Variants in REEP5 observed in about 807,000 individuals in gnomAD.
The protein encoded by REEP5 is receptor accessory protein 5.
Under a neutral mutation model 22.4 loss-of-function variants are expected in REEP5, and 24 were observed. The observed-to-expected ratio is 1.07, with a 90% CI of 0.78 to 1.51. The LOEUF is 1.51. REEP5 is among the 40% of genes most tolerant of loss of function. The pLI is 0.00. For missense variants in REEP5, 252 were observed against 233.0 expected (o/e 1.08, Z -0.53); for synonymous variants, 103 against 88.6 (o/e 1.16, Z -0.92).
At chr5:112,914,187 A>G (rs1438616848) in intron 2 of REEP5, among the ~76,000 whole-genome samples, 2 of 151,216 alleles carry the variant, frequency 1.3e-5, no homozygotes, top group African/African-American at 4.9e-5. Context: ...CAGTGGCGCA[A>G]TCTCGGCTCA....
intron 1 of REEP5, 77 bp downstream of exon 1, chr5:112,921,996 C>T: frequency 2.0e-6 from 3 of 1,514,598 alleles, no homozygotes; most frequent in East Asian, 5.1e-5. Context: ...GAGTCCTCTC[C>T]CTGCTTCCTT....
intron 4 of REEP5, chr5:112,885,799 A>G: frequency 4.4e-6 from 1 of 228,280 alleles, no homozygotes; most frequent in African/African-American, 2.4e-5. Flanking sequence ...CAGAGAGCCA[A>G]GCTAATGCGG....
chr5:112,897,401 A>G (rs1469396251), intron 3 of REEP5: 2 of 151,950 alleles, frequency 1.3e-5, no homozygotes, highest in African/African-American at 2.4e-5. Context: ...ACACAAATGT[A>G]AACAGTAGGA....
chr5:112,884,203 C>A (rs1447733790), intron 4 of REEP5, among the ~76,000 whole-genome samples: 1 of 152,126 alleles, frequency 6.6e-6, no homozygotes, highest in Non-Finnish European at 1.5e-5. Context: ...AGAAGCCAAA[C>A]CTTTACAATG....
intron 4 of REEP5, among the ~76,000 whole-genome samples, chr5:112,884,090 C>G (rs1176715098): frequency 6.6e-6 from 1 of 152,250 alleles, no homozygotes; most frequent in Non-Finnish European, 1.5e-5. Context: ...CCCCTTCAGT[C>G]TGTTCCTAAT....
At chr5:112,890,453 C>G (rs912134205) in intron 3 of REEP5, among the ~76,000 whole-genome samples, 3 of 150,236 alleles carry the variant, frequency 2.0e-5, no homozygotes, top group Admixed American at 6.6e-5. Flanking sequence ...ACTATAGCCT[C>G]AACTTCCTGG....
chr5:112,899,988 C>T (rs1768805949), intron 3 of REEP5, among the ~76,000 whole-genome samples: 1 of 152,186 alleles, frequency 6.6e-6, no homozygotes. Context: ...AGATGTTCAG[C>T]CTGTACCATT....
chr5:112,898,853 C>G (rs1174822906), intron 3 of REEP5, among the ~76,000 whole-genome samples: 1 of 152,214 alleles, frequency 6.6e-6, no homozygotes, highest in Admixed American at 6.5e-5. Flanking sequence ...TTGAAATCAA[C>G]TCTTTCCACA....
chr5:112,894,720 T>C (rs1386356950), intron 3 of REEP5: 2 of 152,224 alleles, frequency 1.3e-5, no homozygotes, highest in Non-Finnish European at 2.9e-5. Context: ...ATATAGGTAT[T>C]TTGCTGTATT....
intron 4 of REEP5, among the ~76,000 whole-genome samples, chr5:112,883,174 A>G (rs140487514): frequency 1.3e-3 from 198 of 152,384 alleles, no homozygotes; most frequent in Admixed American, 3.9e-3. Flanking sequence ...TCTTCCAGTT[A>G]TAGCCCCATT....
At chr5:112,907,044 T>C (rs568335229) in intron 2 of REEP5, among the ~76,000 whole-genome samples, 2 of 152,286 alleles carry the variant, frequency 1.3e-5, no homozygotes, top group African/African-American at 2.4e-5. Flanking sequence ...ATTCTGAAAT[T>C]TGTAAAAGGA....
At chr5:112,915,425 A>G (rs1769210394) in intron 2 of REEP5, among the ~76,000 whole-genome samples, 1 of 152,246 alleles carries the variant, frequency 6.6e-6, no homozygotes. Flanking sequence ...CAAAATAGTC[A>G]CAAGTTGTTA....
intron 4 of REEP5, among the ~76,000 whole-genome samples, chr5:112,881,122 C>CT (rs1274584127): frequency 1.7e-4 from 12 of 69,540 alleles, no homozygotes; most frequent in African/African-American, 9.3e-4. Flanking sequence ...GAGTGAGACT[C>CT]TGTTTCAAAA....
rs186505845 is a variant in REEP5 at position 112,913,203 on chromosome 5, G to A, written c.212+7960C>T. Among the ~76,000 whole-genome samples, 299 of 152,234 alleles carry A rather than the reference G, an allele frequency of 2.0e-3. 2 individuals carry two copies. The highest frequency in any genetic ancestry group is 3.9e-3 in the South Asian group (19 of 4,816). The stretch of plus-strand genomic sequence containing the variant: ...CCAGCTACTTGGGAGGCTGAGGCAG[G>A]AGAATCGCTTGAACCCGGGAGGTGG... On this transcript the variant is annotated intron_variant, in intron 2 of 4. Transcript: ENST00000379638.
chr5:112,921,401 A>C, intron 1 of REEP5, 145 bp from the exon 2 acceptor site: 1 of 750,992 alleles, frequency 1.3e-6, no homozygotes, highest in Non-Finnish European at 2.3e-6. Context: ...AACCACACGA[A>C]AGCTGGGCCT....
chr5:112,892,060 G>C, intron 3 of REEP5: 1 of 1,553,822 alleles, frequency 6.4e-7, no homozygotes, highest in Non-Finnish European at 8.9e-7. Flanking sequence ...AGAGGAAGCT[G>C]TGCAGAAGAT....
chr5:112,916,005 G>A (rs1769225050), intron 2 of REEP5, among the ~76,000 whole-genome samples: 1 of 151,978 alleles, frequency 6.6e-6, no homozygotes, highest in African/African-American at 2.4e-5. Context: ...GTGACTAGCT[G>A]CAAAACAGAA....
Position 112,887,110 on chromosome 5 carries a change from C to T in REEP5, c.425G>A (p.Arg142His), listed in dbSNP as rs755142860. ...GAELLYKRII[R>H]PFFLKHESQM... Reference sequence around the variant, plus strand: ...GGACTCGTGCTTCAGGAAGAAAGGACGGATGATGCGCTTGTAGAGCAGTTC... The same window carrying T: ...GGACTCGTGCTTCAGGAAGAAAGGATGGATGATGCGCTTGTAGAGCAGTTC... The change falls in exon 4 of 5, where the codon CGT becomes CAT. Residue 142 changes from arginine to histidine, a missense_variant. By Grantham distance (29) the Arg-to-His change is conservative. Coordinates refer to ENST00000379638, the MANE Select transcript of REEP5 (RefSeq NM_005669.5). 44 of 1,613,398 alleles carry T rather than the reference C, an allele frequency of 2.7e-5. No individual in the cohort carries two copies. The highest frequency in any genetic ancestry group is 6.7e-5 in the East Asian group (3 of 44,900).
At chr5:112,896,970 T>G (rs1768699080) in intron 3 of REEP5, 1 of 152,118 alleles carries the variant, frequency 6.6e-6, no homozygotes, top group Non-Finnish European at 1.5e-5. Context: ...TAAATGAAGG[T>G]AAACAGAGGA....
Sources: gnomAD v4.1 joint callset for allele counts (sites outside exome capture counted in the v4.1 genomes callset) on GRCh38, gnomAD v4.1.1 for gene constraint, MANE v1.5 for transcripts, NCBI Gene and HGNC (gene_info 2026-07-23, HGNC 2026-07-21) for gene names.